ASTN2: variants seen among roughly 807,000 people sequenced by gnomAD.
ASTN2 encodes astrotactin-2.
Under a neutral mutation model 139.8 loss-of-function variants are expected in ASTN2, and 54 were observed. The ratio of observed to expected loss-of-function variants is 0.39; its 90% CI spans 0.31 to 0.48. The LOEUF (loss-of-function observed/expected upper bound fraction) is 0.48, where lower values mean the gene tolerates loss of function less well. Among genes scored for constraint, ASTN2 ranks in the 20% least tolerant of loss-of-function variants. The pLI is 0.95. For synonymous variants in ASTN2, 756 were observed against 719.5 expected, an observed-to-expected ratio of 1.05 and a Z score of -0.81; for missense variants, 1,565 against 1,725.1, an observed-to-expected ratio of 0.91 and a Z score of 1.64.
intron 7 of ASTN2, among the ~76,000 whole-genome samples, chr9:116,979,348 T>C (rs1836444963): frequency 6.6e-6 from 1 of 152,022 alleles, no homozygotes; most frequent in African/African-American, 2.4e-5. Context: ...TGCTCACAGG[T>C]AGGAATGCTC....
intron 2 of ASTN2, among the ~76,000 whole-genome samples, chr9:117,234,474 T>A (rs1191314806): frequency 6.6e-6 from 1 of 152,120 alleles, no homozygotes; most frequent in East Asian, 1.9e-4. Flanking sequence ...GCAAACACAC[T>A]CATCTTTCTA....
At chr9:117,023,435 G>C (rs1837953047) in intron 6 of ASTN2, among the ~76,000 whole-genome samples, 1 of 152,082 alleles carries the variant, frequency 6.6e-6, no homozygotes, top group Non-Finnish European at 1.5e-5. Context: ...TTTTCTCAGA[G>C]AGATCTTCCC....
intron 17 of ASTN2, among the ~76,000 whole-genome samples, chr9:116,651,127 G>A (rs935254462): frequency 2.0e-5 from 3 of 152,000 alleles, no homozygotes; most frequent in African/African-American, 7.3e-5. Flanking sequence ...ATGTTGGCCA[G>A]GCTGCTCTCA....
intron 20 of ASTN2, among the ~76,000 whole-genome samples, chr9:116,444,539 G>A (rs1183005718): frequency 1.3e-5 from 2 of 151,986 alleles, no homozygotes; most frequent in Admixed American, 1.3e-4. Flanking sequence ...GCTCCCACTC[G>A]CAGGCTCAGG....
At chr9:116,737,551 A>G (rs1461802404) in intron 13 of ASTN2, among the ~76,000 whole-genome samples, 2 of 143,374 alleles carry the variant, frequency 1.4e-5, no homozygotes, top group Admixed American at 1.4e-4. Flanking sequence ...AATAATGGAC[A>G]ATATTTATTT....
intron 13 of ASTN2, among the ~76,000 whole-genome samples, chr9:116,771,454 AC>A (rs1190085498): frequency 6.6e-6 from 1 of 152,156 alleles, no homozygotes; most frequent in East Asian, 1.9e-4. Context: ...ATCAAATAGT[AC>A]TACATTTATG....
chr9:116,610,378 G>T lies in ASTN2; in HGVS notation c.3355+7946C>A, dbSNP rs1375483333. The stretch of plus-strand genomic sequence containing the variant: ...CCAGCACTTTGTGAGGCTGAGGCGG[G>T]TGGATCACCAGAGGTCCGGAGTTTG... On this transcript the variant is annotated intron_variant, in intron 19 of 22. Coordinates refer to ENST00000313400, the MANE Select transcript of ASTN2 (RefSeq NM_001365068.1). 2.0e-5 allele frequency among the ~76,000 whole-genome samples: 3 copies of T among 152,182 alleles called. No homozygotes were observed. The South Asian group carries it at 6.2e-4, about 32-fold the overall frequency.
chr9:117,246,835 G>A (rs1376601434), intron 2 of ASTN2, among the ~76,000 whole-genome samples: 1 of 152,134 alleles, frequency 6.6e-6, no homozygotes, highest in African/African-American at 2.4e-5. Context: ...GGGCAAGCAG[G>A]TGAACCAGTA....
chr9:116,829,868 A>G (rs999487763), intron 11 of ASTN2, among the ~76,000 whole-genome samples: 9 of 152,336 alleles, frequency 5.9e-5, no homozygotes, highest in Admixed American at 3.9e-4. Flanking sequence ...TTCTCGCCAC[A>G]TATTTTTTAA....
chr9:117,054,037 A>T (rs949233962), intron 5 of ASTN2, among the ~76,000 whole-genome samples: 5 of 152,016 alleles, frequency 3.3e-5, no homozygotes, highest in African/African-American at 4.8e-5. Flanking sequence ...AAAAGAAAAA[A>T]AAAAAACAAA....
chr9:117,214,247 T>C, intron 3 of ASTN2, 111 bp downstream of exon 3: 1 of 1,315,438 alleles, frequency 7.6e-7, no homozygotes, highest in Admixed American at 2.3e-5. Flanking sequence ...AAATCCAAAG[T>C]GGCTTATCCC....
chr9:116,918,061 C>G (rs1834501703), intron 10 of ASTN2, among the ~76,000 whole-genome samples: 1 of 152,186 alleles, frequency 6.6e-6, no homozygotes, highest in Admixed American at 6.5e-5. Flanking sequence ...GCTTCTTCCT[C>G]ATTTTCTCTT....
chr9:117,015,052 C>T (rs1409468853), intron 6 of ASTN2, among the ~76,000 whole-genome samples: 1 of 152,136 alleles, frequency 6.6e-6, no homozygotes, highest in Non-Finnish European at 1.5e-5. Context: ...AGCTCTAACT[C>T]ACCCAGGCTA....
chr9:117,179,970 AC>A (rs1263062578), intron 3 of ASTN2, among the ~76,000 whole-genome samples: 1 of 152,138 alleles, frequency 6.6e-6, no homozygotes, highest in Admixed American at 6.5e-5. Flanking sequence ...AGATGGGAAA[AC>A]TGAGGTCCAT....
At chr9:116,989,260 T>C (rs1291842758) in intron 7 of ASTN2, among the ~76,000 whole-genome samples, 1 of 152,188 alleles carries the variant, frequency 6.6e-6, no homozygotes, top group Admixed American at 6.5e-5. Flanking sequence ...TACCTGTGTG[T>C]CCTGCCCATG....
chr9:116,950,036 T>C lies in ASTN2; in HGVS notation c.1889+25172A>G, dbSNP rs532306227. On this transcript the variant is annotated intron_variant, in intron 10 of 22. Coordinates refer to ENST00000313400, the MANE Select transcript of ASTN2 (RefSeq NM_001365068.1). ...CAGTATCAGTTATGAGTTTGAATGT[T>C]CTCTTACAGAGGTCTATCAAAGAAT... Among the ~76,000 whole-genome samples the C allele has an allele frequency of 2.0e-5, 3 of 152,242 alleles. No homozygotes were observed. In the East Asian group the frequency reaches 5.8e-4, roughly 29 times the overall value.
intron 2 of ASTN2, among the ~76,000 whole-genome samples, chr9:117,251,522 C>T (rs116222327): frequency 7.9e-5 from 12 of 152,196 alleles, no homozygotes; most frequent in African/African-American, 2.9e-4. Flanking sequence ...GTGATTATAA[C>T]AGCACTGAGC....
chr9:116,860,543 T>C (rs1473277845), intron 11 of ASTN2, among the ~76,000 whole-genome samples: 4 of 152,230 alleles, frequency 2.6e-5, no homozygotes, highest in Admixed American at 6.5e-5. Flanking sequence ...AAAGCTATGG[T>C]CATTCTAATG....
At chr9:116,907,903 T>G (rs938038789) in intron 10 of ASTN2, among the ~76,000 whole-genome samples, 1 of 152,186 alleles carries the variant, frequency 6.6e-6, no homozygotes, top group African/African-American at 2.4e-5. Context: ...TCTTGCTCAT[T>G]ACTGAAGGCT....
Sources: allele counts gnomAD v4.1 joint callset (sites outside exome capture counted in the v4.1 genomes callset), GRCh38; gene constraint gnomAD v4.1.1; transcripts MANE v1.5; gene names NCBI Gene and HGNC (gene_info 2026-07-23, HGNC 2026-07-21).